PDE8B: variants seen among roughly 807,000 people sequenced by gnomAD.
PDE8B encodes phosphodiesterase 8B, also known as high affinity cAMP-specific and IBMX-insensitive 3',5'-cyclic phosphodiesterase 8B.
PDE8B carries 26 observed loss-of-function variants against 101.3 expected under a neutral mutation model. That is an observed-to-expected ratio of 0.26 (90% CI 0.19 to 0.36). The LOEUF is 0.36. PDE8B is among the 10% of genes least tolerant of loss of function. PDE8B has a pLI of 1.00. For synonymous variants in PDE8B, 424 were observed against 429.3 expected, an observed-to-expected ratio of 0.99 and a Z score of 0.15; for missense variants, 810 against 1,163.1, an observed-to-expected ratio of 0.70 and a Z score of 4.42.
intron 1 of PDE8B, among the ~76,000 whole-genome samples, chr5:77,219,923 C>T (rs1750714694): frequency 6.6e-6 from 1 of 152,190 alleles, no homozygotes; most frequent in South Asian, 2.1e-4. Flanking sequence ...TGGGTGGATA[C>T]AACCTTTCAT....
intron 16 of PDE8B, 100 bp downstream of exon 16, chr5:77,412,335 A>T: frequency 8.4e-7 from 1 of 1,189,982 alleles, no homozygotes; most frequent in Non-Finnish European, 1.2e-6. Context: ...GCTGTGAGAG[A>T]CCTCACGGGT....
At chr5:77,116,196 G>A in the PDE8B span, among the ~76,000 whole-genome samples, 1,820 of 143,906 alleles carry the variant, frequency 0.013, 39 homozygotes, top group African/African-American at 0.044. Flanking sequence ...TGAGAAGACC[G>A]AGTTCTTCTA....
intron 10 of PDE8B, among the ~76,000 whole-genome samples, chr5:77,382,168 C>G (rs907013607): frequency 6.6e-6 from 1 of 152,142 alleles, no homozygotes; most frequent in Non-Finnish European, 1.5e-5. Context: ...TACACATGTA[C>G]TCAGTACCTA....
chr5:77,258,289 C>CAAAA (rs70988662), intron 1 of PDE8B, among the ~76,000 whole-genome samples: 3 of 88,560 alleles, frequency 3.4e-5, no homozygotes, highest in Admixed American at 1.3e-4. Context: ...GACTCCATCT[C>CAAAA]AAAAAAAAAA....
rs148901368 is a variant in PDE8B, at chr5:77,360,579, G to T, written c.1167+7173G>T. 2.5e-3 allele frequency among the ~76,000 whole-genome samples: 384 copies of T among 152,316 alleles called. 2 individuals are homozygous for T. Among genetic ancestry groups the T allele is most frequent in the Middle Eastern group, 0.01 (3 of 294 alleles). ...AATCATCCATTCAGTGAGCATGCAT[G>T]CCTGCTGGCACTTGGCCCAGTGGAA... On this transcript the variant is annotated intron_variant, in intron 10 of 21. Transcript: ENST00000264917.
At chr5:77,364,204 G>T (rs1308704470) in intron 10 of PDE8B, among the ~76,000 whole-genome samples, 1 of 152,208 alleles carries the variant, frequency 6.6e-6, no homozygotes, top group Non-Finnish European at 1.5e-5. Context: ...AATGTAAATG[G>T]AGTAGTAAAT....
At chr5:77,273,925 C>T (rs747988456) in intron 1 of PDE8B, among the ~76,000 whole-genome samples, 3 of 151,872 alleles carry the variant, frequency 2.0e-5, no homozygotes, top group South Asian at 2.1e-4. Flanking sequence ...TGAGTTCAAG[C>T]AATTCTCCTG....
chr5:77,196,001 T>G, the PDE8B span, among the ~76,000 whole-genome samples: 1 of 152,184 alleles, frequency 6.6e-6, no homozygotes, highest in African/African-American at 2.4e-5. Flanking sequence ...AGTTTTGAAT[T>G]GTATTTCTCT....
intron 10 of PDE8B, among the ~76,000 whole-genome samples, chr5:77,371,969 G>A (rs1175412942): frequency 6.6e-6 from 1 of 152,170 alleles, no homozygotes; most frequent in Non-Finnish European, 1.5e-5. Flanking sequence ...GGGAGGCCGA[G>A]GTTGGCATAT....
At position 77,351,121 on chromosome 5, in the gene PDE8B, C is replaced by T. The variant is rs778303697; in HGVS notation, c.1074C>T (p.His358=). The T allele has an allele frequency of 1.1e-5, 17 of 1,613,830 alleles. No homozygotes were observed. Among genetic ancestry groups the T allele is most frequent in the African/African-American group, 2.7e-5 (2 of 74,906 alleles). ...RRKSGDSIQQ[H]VKITPVIGQG... ...AATCCGGGGACAGCATCCAACAGCA[C>T]GTGAAGATCACCCCAGTGATTGGCC... Residue 358 remains histidine, a synonymous_variant, in exon 9 of 22, where the codon CAC becomes CAT. Coordinates refer to ENST00000264917, the MANE Select transcript of PDE8B (RefSeq NM_003719.5).
At chr5:77,218,946 A>G (rs1336077134) in intron 1 of PDE8B, among the ~76,000 whole-genome samples, 1 of 152,236 alleles carries the variant, frequency 6.6e-6, no homozygotes, top group Non-Finnish European at 1.5e-5. Context: ...AACTGGATTT[A>G]TAGACAGATA....
At chr5:77,106,612 T>C in the PDE8B span, among the ~76,000 whole-genome samples, 19 of 152,174 alleles carry the variant, frequency 1.2e-4, no homozygotes, top group Non-Finnish European at 1.8e-4. Context: ...GAGTTTAGAA[T>C]CAGCTTGTCA....
the PDE8B span, among the ~76,000 whole-genome samples, chr5:77,159,752 C>A: frequency 6.6e-6 from 1 of 152,314 alleles, no homozygotes; most frequent in Non-Finnish European, 1.5e-5. Flanking sequence ...TGAGCCCACA[C>A]TGGCTAATGT....
the PDE8B span, among the ~76,000 whole-genome samples, chr5:77,171,925 T>A: frequency 6.6e-6 from 1 of 151,950 alleles, no homozygotes; most frequent in African/African-American, 2.4e-5. Context: ...GGGCACAGGA[T>A]GAGGGGAGGA....
intron 10 of PDE8B, among the ~76,000 whole-genome samples, chr5:77,365,215 A>C (rs1035352880): frequency 2.0e-5 from 3 of 152,160 alleles, no homozygotes; most frequent in Admixed American, 6.5e-5. Flanking sequence ...CAACAACAAC[A>C]AAAACAGAGG....
At chr5:77,300,982 T>C (rs140385772) in intron 1 of PDE8B, among the ~76,000 whole-genome samples, 2 of 152,340 alleles carry the variant, frequency 1.3e-5, no homozygotes, top group African/African-American at 2.4e-5. Context: ...TCAGTGAGAT[T>C]GGTTTTTAAA....
chr5:77,096,714 A>G, the PDE8B span, among the ~76,000 whole-genome samples: 3 of 152,184 alleles, frequency 2.0e-5, no homozygotes, highest in Non-Finnish European at 4.4e-5. Context: ...CGCCAGCAGT[A>G]CCTCGTGTTC....
chr5:77,231,634 C>T (rs576509607), intron 1 of PDE8B, among the ~76,000 whole-genome samples: 8 of 152,158 alleles, frequency 5.3e-5, no homozygotes, highest in African/African-American at 1.4e-4. Context: ...GCATCAGTCC[C>T]GGTCCCACGG....
At chr5:77,265,649 T>C (rs781040562) in intron 1 of PDE8B, among the ~76,000 whole-genome samples, 13 of 152,216 alleles carry the variant, frequency 8.5e-5, no homozygotes, top group African/African-American at 1.7e-4. Context: ...ATTTAGGTAA[T>C]TGGCCCTACT....
Sources: allele counts gnomAD v4.1 joint callset (sites outside exome capture counted in the v4.1 genomes callset), GRCh38; gene constraint gnomAD v4.1.1; transcripts MANE v1.5; gene names NCBI Gene and HGNC (gene_info 2026-07-23, HGNC 2026-07-21).